BTD: variants seen among roughly 807,000 people sequenced by gnomAD.
The protein encoded by BTD is biocytinase.
Under a neutral mutation model 17.7 loss-of-function variants are expected in BTD, and 13 were observed. That is an observed-to-expected ratio of 0.74 (90% CI 0.48 to 1.17). BTD has a LOEUF of 1.17. Among genes scored for constraint, BTD ranks in the 50% most tolerant of loss-of-function variants. The pLI is 0.00. For missense variants in BTD, 674 were observed against 650.4 expected (o/e 1.04, Z -0.39); for synonymous variants, 240 against 245.2 (o/e 0.98, Z 0.20).
rs139155273 is a variant in BTD, at chr3:15,632,355, T to A, written c.-16-3069T>A. 3.9e-5 allele frequency among the ~76,000 whole-genome samples: 6 copies of A among 152,284 alleles called. No homozygotes were observed. The East Asian group carries it at 1.2e-3, about 29-fold the overall frequency. On this transcript the variant is annotated intron_variant, in intron 1 of 3. Transcript: ENST00000643237. ...CCTGGGGCTGGCCCACAGTTGGGAA[T>A]TGCATGGCTGTCTGAAGCCAGCACC...
At chr3:15,623,492 G>A (rs2064999677) in intron 1 of BTD, among the ~76,000 whole-genome samples, 1 of 152,066 alleles carries the variant, frequency 6.6e-6, no homozygotes, top group Non-Finnish European at 1.5e-5. Flanking sequence ...TTGTCTTCCA[G>A]TCTTTTTCTG....
intron 3 of BTD, chr3:15,686,445 G>A (rs2068139397): frequency 2.8e-6 from 2 of 706,536 alleles, no homozygotes; most frequent in Non-Finnish European, 4.7e-6. Flanking sequence ...GAAAACTATA[G>A]GTAAAAAGAA....
At chr3:15,698,978 T>A (rs573892975) in intron 3 of BTD, among the ~76,000 whole-genome samples, 1 of 152,216 alleles carries the variant, frequency 6.6e-6, no homozygotes, top group Non-Finnish European at 1.5e-5. Flanking sequence ...TCATGCTACC[T>A]GACTTCAAAC....
At chr3:15,604,550 A>T (rs573164846) in intron 1 of BTD, among the ~76,000 whole-genome samples, 1 of 152,206 alleles carries the variant, frequency 6.6e-6, no homozygotes, top group East Asian at 1.9e-4. Flanking sequence ...TTGGTGATTA[A>T]TAGTTAGCTT....
At chr3:15,609,912 T>C (rs1052357840) in intron 1 of BTD, among the ~76,000 whole-genome samples, 2 of 152,084 alleles carry the variant, frequency 1.3e-5, no homozygotes, top group Admixed American at 1.3e-4. Flanking sequence ...ATTTTTTTGG[T>C]AACTTGCTAA....
chr3:15,677,652 C>A lies in BTD; in HGVS notation c.400-32408C>A. The A allele has an allele frequency of 6.7e-6, 6 of 899,466 alleles. No individual in the cohort carries two copies. The Admixed American group carries it at 8.1e-5, about 12-fold the overall frequency. 55.7% of individuals were successfully genotyped at this position (899,466 alleles called of 1,614,324 possible). On this transcript the variant is annotated intron_variant, in intron 3 of 3. Transcript: ENST00000672141. ...ACTGTAGAGAAATGAAGATACAAAGCAAAAAAGTCCCTCTCACAAAAACTT... is the reference window on the plus strand; with the variant it reads ...ACTGTAGAGAAATGAAGATACAAAGAAAAAAAGTCCCTCTCACAAAAACTT...
chr3:15,678,342 A>G, intron 3 of BTD: 1 of 1,605,896 alleles, frequency 6.2e-7, no homozygotes, highest in Non-Finnish European at 8.5e-7. Context: ...AGGCGGCTGC[A>G]TGGAGAGGAG....
At chr3:15,704,559 G>T (rs2071093284) in intron 3 of BTD, among the ~76,000 whole-genome samples, 2 of 152,030 alleles carry the variant, frequency 1.3e-5, no homozygotes, top group Non-Finnish European at 2.9e-5. Context: ...ATAGCAATTG[G>T]AAGCTCTGAG....
chr3:15,672,868 T>C (rs955082007), intron 3 of BTD, among the ~76,000 whole-genome samples: 2 of 152,196 alleles, frequency 1.3e-5, no homozygotes, highest in Admixed American at 1.3e-4. Context: ...TTCTGCCTCC[T>C]GGGTTCAAGC....
At position 15,718,065 on chromosome 3, in the gene BTD, A is replaced by G. The variant is rs570113651; in HGVS notation, c.1016-3705A>G. Among the ~76,000 whole-genome samples the G allele has an allele frequency of 1.4e-4, 21 of 152,324 alleles. No individual in the cohort carries two copies. The South Asian group carries it at 2.9e-3, about 21-fold the overall frequency. On this transcript the variant is annotated intron_variant, in intron 4 of 4. Transcript: ENST00000672427. Reference sequence around the variant, plus strand: ...TGTAAAGTGTCCCCATAGTCAATCAATAACTTAATAACACCGATTTTACAA... The same window carrying G: ...TGTAAAGTGTCCCCATAGTCAATCAGTAACTTAATAACACCGATTTTACAA...
intron 3 of BTD, among the ~76,000 whole-genome samples, chr3:15,704,420 T>C (rs1176014137): frequency 1.3e-5 from 2 of 152,182 alleles, no homozygotes; most frequent in African/African-American, 4.8e-5. Flanking sequence ...CAATGTCAGA[T>C]TGTTAAAAAT....
At chr3:15,605,863 G>A (rs187592920) in intron 1 of BTD, among the ~76,000 whole-genome samples, 1 of 152,076 alleles carries the variant, frequency 6.6e-6, no homozygotes, top group African/African-American at 2.4e-5. Context: ...GGCCAATGTG[G>A]TGAAACCCCA....
At chr3:15,709,173 T>C (rs142374947) in intron 3 of BTD, among the ~76,000 whole-genome samples, 1 of 152,182 alleles carries the variant, frequency 6.6e-6, no homozygotes, top group Non-Finnish European at 1.5e-5. Context: ...TGTGGATATA[T>C]GTGTGTGAGA....
At chr3:15,709,485 A>C (rs2071937982) in intron 3 of BTD, among the ~76,000 whole-genome samples, 1 of 152,188 alleles carries the variant, frequency 6.6e-6, no homozygotes, top group African/African-American at 2.4e-5. Flanking sequence ...GTAGGGACTC[A>C]AGAAGAAAAC....
At chr3:15,712,061 T>TA (rs2072365312) in exon 4 of BTD, 2 of 1,131,940 alleles carry the variant, frequency 1.8e-6, no homozygotes, top group African/African-American at 1.5e-5. Flanking sequence ...CATTAATTTT[T>TA]AAAAAGCAGG....
At chr3:15,678,245 TAAG>T (rs1452395979) in intron 3 of BTD, 1 of 1,612,558 alleles carries the variant, frequency 6.2e-7, no homozygotes, top group Non-Finnish European at 8.5e-7. Flanking sequence ...GCAGCCATCA[TAAG>T]AGGTGTTTTC....
intron 3 of BTD, among the ~76,000 whole-genome samples, chr3:15,698,190 C>A (rs550000963): frequency 6.6e-6 from 1 of 152,084 alleles, no homozygotes; most frequent in East Asian, 1.9e-4. Context: ...AATTCAACAG[C>A]ACTTCATGCT....
At chr3:15,718,271 C>T (rs1033707132) in intron 4 of BTD, among the ~76,000 whole-genome samples, 6 of 152,130 alleles carry the variant, frequency 3.9e-5, no homozygotes, top group Admixed American at 2.0e-4. Flanking sequence ...ATGTCATACA[C>T]CCTTAGGTGA....
chr3:15,685,359 A>T, intron 3 of BTD: 1 of 1,614,038 alleles, frequency 6.2e-7, no homozygotes. Flanking sequence ...ACAGGTGTAT[A>T]GGCGTCCGGC....
Sources: allele counts gnomAD v4.1 joint callset (sites outside exome capture counted in the v4.1 genomes callset), GRCh38; gene constraint gnomAD v4.1.1; transcripts MANE v1.5; gene names NCBI Gene and HGNC (gene_info 2026-07-23, HGNC 2026-07-21).